The following SLC25A40 variants were observed in gnomAD, a reference collection of about 807,000 sequenced individuals.
The protein encoded by SLC25A40 is solute carrier family 25 member 40.
In SLC25A40, 41 loss-of-function variants were observed where a neutral mutation model predicts 46.5. That is an observed-to-expected ratio of 0.88 (90% CI 0.69 to 1.14). The LOEUF (loss-of-function observed/expected upper bound fraction) is 1.14, where lower values mean the gene tolerates loss of function less well. Ranked by LOEUF, SLC25A40 falls within the 50% of genes most tolerant of loss-of-function variation. SLC25A40 has a pLI of 0.00. For missense variants in SLC25A40, 386 were observed against 393.6 expected, an observed-to-expected ratio of 0.98 and a Z score of 0.16; for synonymous variants, 126 against 127.5, an observed-to-expected ratio of 0.99 and a Z score of 0.08.
intron 8 of SLC25A40, 52 bp from the exon 9 acceptor site, chr7:87,843,915 T>A (rs764762579): frequency 6.8e-7 from 1 of 1,477,814 alleles, no homozygotes; most frequent in Non-Finnish European, 9.2e-7. Flanking sequence ...AAATGTGGAC[T>A]TTAATAAAAG....
At chr7:87,856,480 T>G (rs1838617636) in intron 3 of SLC25A40, 129 bp from the exon 4 acceptor site, 1 of 817,014 alleles carries the variant, frequency 1.2e-6, no homozygotes, top group Non-Finnish European at 2.2e-6. Context: ...CTTATTTATC[T>G]TAAAGTAGTC....
At chr7:87,841,744 A>G in intron 9 of SLC25A40, 30 bp from the exon 10 acceptor site, 1 of 1,318,098 alleles carries the variant, frequency 7.6e-7, no homozygotes, top group Non-Finnish European at 1.0e-6. Flanking sequence ...ATTAATTTCA[A>G]TCAACCTGTT....
intron 1 of SLC25A40, among the ~76,000 whole-genome samples, chr7:87,868,020 A>G (rs1370512290): frequency 6.6e-6 from 1 of 152,220 alleles, no homozygotes; most frequent in African/African-American, 2.4e-5. Flanking sequence ...GTTATAGAGC[A>G]GAGTTTGCAA....
rs1299998793 is a variant in SLC25A40, at chr7:87,859,334, C to T, written c.-24-583G>A. Among the ~76,000 whole-genome samples, 8 of 151,772 alleles carry T rather than the reference C, an allele frequency of 5.3e-5. 1 individual carries two copies. The South Asian group carries it at 8.3e-4, about 16-fold the overall frequency. On this transcript the variant is annotated intron_variant, in intron 2 of 11. Transcript: ENST00000341119. ...CCAGGTGTCTGTAGTCCCAGCTACT[C>T]GGGAGGCTGAGGCAGGAGAATGGCG... is the stretch of plus-strand genomic sequence containing the variant.
chr7:87,843,738 A>G lies in SLC25A40; in HGVS notation c.741+16T>C. The G allele has an allele frequency of 6.4e-7, 1 of 1,557,416 alleles. No individual in the cohort carries two copies. The highest frequency in any genetic ancestry group is 8.8e-7 in the Non-Finnish European group (1 of 1,132,882). On this transcript the variant is annotated intron_variant, in intron 9 of 11. Coordinates refer to ENST00000341119, the MANE Select transcript of SLC25A40 (RefSeq NM_018843.4). ...ATTATTCTTCTGGAATATTAACAACAAAAGAATAAACTTACAGAACCAGAC... is the reference window on the plus strand; with the variant it reads ...ATTATTCTTCTGGAATATTAACAACGAAAGAATAAACTTACAGAACCAGAC...
intron 1 of SLC25A40, among the ~76,000 whole-genome samples, chr7:87,865,617 T>C (rs985734348): frequency 2.6e-5 from 4 of 151,974 alleles, no homozygotes; most frequent in Admixed American, 2.6e-4. Flanking sequence ...TTAATAAAAA[T>C]AAAAATTAGC....
At chr7:87,853,767 A>G in intron 5 of SLC25A40, among the ~76,000 whole-genome samples, 1 of 152,314 alleles carries the variant, frequency 6.6e-6, no homozygotes, top group South Asian at 2.1e-4. Flanking sequence ...AGTAGTTGCC[A>G]GGGCTTAAGG....
chr7:87,854,436 GATAA>G (rs1299630692), intron 4 of SLC25A40, 126 bp from the exon 5 acceptor site: 14 of 615,262 alleles, frequency 2.3e-5, no homozygotes, highest in Admixed American at 3.1e-5. Context: ...TCTTGAAAAA[GATAA>G]ATAAACATCT....
chr7:87,854,128 T>C (rs549954578), intron 5 of SLC25A40, 76 bp downstream of exon 5: 3 of 1,002,082 alleles, frequency 3.0e-6, no homozygotes, highest in East Asian at 5.1e-5. Context: ...CTTAACCCTC[T>C]TGCAATTAGA....
At chr7:87,858,471 G>A (rs1838648351) in intron 3 of SLC25A40, among the ~76,000 whole-genome samples, 160 bp downstream of exon 3, 1 of 152,150 alleles carries the variant, frequency 6.6e-6, no homozygotes, top group South Asian at 2.1e-4. Context: ...ACCCCCGGAG[G>A]CCCAGCTGTA....
intron 10 of SLC25A40, among the ~76,000 whole-genome samples, chr7:87,837,357 T>A (rs988727343): frequency 5.3e-5 from 8 of 149,538 alleles, no homozygotes; most frequent in African/African-American, 2.0e-4. Context: ...GTTTTAAAAC[T>A]TTTTTTTTCT....
chr7:87,868,373 T>A (rs748073240), intron 1 of SLC25A40, among the ~76,000 whole-genome samples: 1 of 152,178 alleles, frequency 6.6e-6, no homozygotes, highest in African/African-American at 2.4e-5. Flanking sequence ...TCCCCCTACC[T>A]ATATGCAGTG....
intron 10 of SLC25A40, among the ~76,000 whole-genome samples, chr7:87,841,159 GTA>G (rs376277104): frequency 0.012 from 1,699 of 137,554 alleles, 16 homozygotes; most frequent in East Asian, 0.057. Context: ...GTGTGTGTGT[GTA>G]TATATATATA....
At chr7:87,856,145 C>T in intron 4 of SLC25A40, 147 bp downstream of exon 4, 1 of 645,362 alleles carries the variant, frequency 1.5e-6, no homozygotes, top group Non-Finnish European at 2.7e-6. Context: ...TCATCACGTA[C>T]AACTAAATGG....
In SLC25A40 at chr7:87,836,493, G is replaced by T. The variant is rs1381210615; in HGVS notation, c.905-132C>A. The T allele has an allele frequency of 5.7e-5, 35 of 613,424 alleles. 1 individual carries two copies. The highest frequency in any genetic ancestry group is 8.5e-5 in the Non-Finnish European group (33 of 386,932). 38.0% of individuals were successfully genotyped at this position (613,424 alleles called of 1,614,324 possible). A position where few individuals can be genotyped will look rare whatever the true frequency, so the allele number is the denominator to read the frequency against. The stretch of plus-strand genomic sequence containing the variant: ...ATATGTTCAAATCCATAAATTGGTA[G>T]AAAAGACTGCTCACTTCCAACATCC... On this transcript the variant is annotated intron_variant, in intron 11 of 11. Transcript: ENST00000341119.
intron 10 of SLC25A40, among the ~76,000 whole-genome samples, chr7:87,840,759 A>G (rs2130996237): frequency 1.3e-5 from 2 of 151,968 alleles, no homozygotes; most frequent in East Asian, 3.9e-4. Context: ...AGCTTCTAAT[A>G]TAAGAGGAGA....
At chr7:87,854,809 CAA>C (rs1193322764) in intron 4 of SLC25A40, among the ~76,000 whole-genome samples, 11 of 53,582 alleles carry the variant, frequency 2.1e-4, no homozygotes, top group African/African-American at 2.1e-4. Context: ...AAGACTGTCT[CAA>C]AAAAAAAAAA....
At chr7:87,857,414 G>A (rs1047019825) in intron 3 of SLC25A40, among the ~76,000 whole-genome samples, 10 of 152,244 alleles carry the variant, frequency 6.6e-5, no homozygotes, top group South Asian at 4.1e-4. Context: ...TGTATTCACC[G>A]TGAGAATGGC....
At chr7:87,856,130 A>G (rs1838609794) in intron 4 of SLC25A40, among the ~76,000 whole-genome samples, 162 bp downstream of exon 4, 1 of 152,024 alleles carries the variant, frequency 6.6e-6, no homozygotes, top group Non-Finnish European at 1.5e-5. Flanking sequence ...CTTTTTGCCT[A>G]CACCTCATCA....
Sources: allele counts gnomAD v4.1 joint callset (sites outside exome capture counted in the v4.1 genomes callset), GRCh38; gene constraint gnomAD v4.1.1; transcripts MANE v1.5; gene names NCBI Gene and HGNC (gene_info 2026-07-23, HGNC 2026-07-21).